Variants in DOCK9 observed in about 807,000 individuals in gnomAD.
DOCK9 encodes dedicator of cytokinesis 9.
DOCK9 carries 89 observed loss-of-function variants against 263.3 expected under a neutral mutation model. The ratio of observed to expected loss-of-function variants is 0.34; its 90% CI spans 0.28 to 0.40. DOCK9 has a LOEUF of 0.40. DOCK9 is among the 10% of genes least tolerant of loss of function. The pLI is 1.00. For synonymous variants in DOCK9, 976 were observed against 973.1 expected (o/e 1.00, Z -0.06); for missense variants, 2,140 against 2,603.4 (o/e 0.82, Z 3.87).
At chr13:99,015,011 C>CG (rs1266303154) in intron 1 of DOCK9, among the ~76,000 whole-genome samples, 4 of 152,204 alleles carry the variant, frequency 2.6e-5, no homozygotes, top group African/African-American at 9.7e-5. Flanking sequence ...TTCTCCCCCC[C>CG]GCATCAAGGA....
intron 1 of DOCK9, among the ~76,000 whole-genome samples, chr13:99,053,820 G>T (rs1013526512): frequency 4.6e-5 from 7 of 152,096 alleles, no homozygotes; most frequent in African/African-American, 1.7e-4. Flanking sequence ...TACAAGAGGA[G>T]CGAAGCACCC....
chr13:98,796,641 G>A (rs189363388), intron 52 of DOCK9, among the ~76,000 whole-genome samples: 8 of 152,268 alleles, frequency 5.3e-5, no homozygotes, highest in South Asian at 2.1e-4. Context: ...CCACTGGGGC[G>A]CCAAGGCCCA....
intron 45 of DOCK9, among the ~76,000 whole-genome samples, chr13:98,821,119 A>G (rs1053470140): frequency 2.0e-5 from 3 of 152,204 alleles, no homozygotes; most frequent in South Asian, 2.1e-4. Context: ...TGTACTTTCT[A>G]CTTTTCCCTC....
intron 33 of DOCK9, chr13:98,856,967 T>C (rs2093722376): frequency 6.6e-6 from 1 of 152,182 alleles, no homozygotes; most frequent in East Asian, 1.9e-4. Context: ...ATTTGTGATG[T>C]CCATGAAAAA....
At chr13:99,063,576 C>G (rs1019677500) in intron 1 of DOCK9, among the ~76,000 whole-genome samples, 10 of 152,236 alleles carry the variant, frequency 6.6e-5, no homozygotes, top group Non-Finnish European at 1.2e-4. Context: ...ACTGGAACAT[C>G]CTCCAACTAC....
intron 38 of DOCK9, chr13:98,845,418 A>G (rs370858044): frequency 3.8e-4 from 487 of 1,276,522 alleles, no homozygotes; most frequent in Non-Finnish European, 4.9e-4. Flanking sequence ...GCTTTTCCAC[A>G]CCCTCACAAA....
At chr13:99,059,977 C>CA (rs960472858) in intron 1 of DOCK9, among the ~76,000 whole-genome samples, 3 of 150,958 alleles carry the variant, frequency 2.0e-5, no homozygotes, top group Non-Finnish European at 2.9e-5. Flanking sequence ...TGGCATGTGT[C>CA]AGTACTCCAC....
At chr13:98,801,322 C>T (rs2090084653) in intron 49 of DOCK9, among the ~76,000 whole-genome samples, 1 of 151,914 alleles carries the variant, frequency 6.6e-6, no homozygotes, top group Non-Finnish European at 1.5e-5. Context: ...AAAACCCAAA[C>T]CAAAAAAACA....
chr13:98,958,054 T>C (rs1327561630), intron 1 of DOCK9, among the ~76,000 whole-genome samples: 7 of 152,206 alleles, frequency 4.6e-5, no homozygotes, highest in Non-Finnish European at 1.0e-4. Context: ...CAGAGGTGCA[T>C]TGTGAGCCCT....
intron 27 of DOCK9, among the ~76,000 whole-genome samples, chr13:98,871,436 T>C (rs2094183137): frequency 6.6e-6 from 1 of 152,262 alleles, no homozygotes; most frequent in Non-Finnish European, 1.5e-5. Flanking sequence ...CTCATGCCTG[T>C]GAAGGCTGAA....
At chr13:98,960,977 A>G (rs2058571751) in intron 1 of DOCK9, among the ~76,000 whole-genome samples, 1 of 152,312 alleles carries the variant, frequency 6.6e-6, no homozygotes, top group Admixed American at 6.5e-5. Flanking sequence ...GATTGTATAC[A>G]CAGCTTTGAG....
At chr13:98,850,368 C>T (rs1461650863) in intron 35 of DOCK9, among the ~76,000 whole-genome samples, 1 of 152,184 alleles carries the variant, frequency 6.6e-6, no homozygotes, top group Non-Finnish European at 1.5e-5. Flanking sequence ...TATATTCTGG[C>T]ATAATGCTCA....
At chr13:98,855,464 G>C (rs1421219554) in intron 34 of DOCK9, among the ~76,000 whole-genome samples, 3 of 152,146 alleles carry the variant, frequency 2.0e-5, no homozygotes, top group Non-Finnish European at 4.4e-5. Context: ...CCCAGCTGCT[G>C]GGGAGGCTGA....
chr13:98,969,974 A>G (rs2059572800), intron 1 of DOCK9, among the ~76,000 whole-genome samples: 1 of 152,138 alleles, frequency 6.6e-6, no homozygotes, highest in African/African-American at 2.4e-5. Context: ...ATAATTAACA[A>G]CTATATCTGT....
At chr13:99,058,961 C>T (rs761299667) in intron 1 of DOCK9, among the ~76,000 whole-genome samples, 17 of 152,182 alleles carry the variant, frequency 1.1e-4, no homozygotes, top group Non-Finnish European at 1.6e-4. Context: ...TTTGGAAACA[C>T]ACTTCCCTTG....
At chr13:98,936,481 A>G (rs1012561423) in intron 2 of DOCK9, among the ~76,000 whole-genome samples, 3 of 152,028 alleles carry the variant, frequency 2.0e-5, no homozygotes, top group African/African-American at 7.2e-5. Context: ...TTACCCAGGC[A>G]TGGTGTCATG....
At chr13:98,861,785 T>C (rs2093878541) in intron 32 of DOCK9, among the ~76,000 whole-genome samples, 1 of 152,244 alleles carries the variant, frequency 6.6e-6, no homozygotes, top group African/African-American at 2.4e-5. Flanking sequence ...TCTCTCTATC[T>C]ACTCAATTTC....
At chr13:98,795,779 G>A (rs188611628) in intron 52 of DOCK9, among the ~76,000 whole-genome samples, 1 of 142,198 alleles carries the variant, frequency 7.0e-6, no homozygotes, top group African/African-American at 2.6e-5. Context: ...TTTTTTTTGA[G>A]ATGGAGTCTC....
At chr13:98,897,424 G>A (rs2139305730) in intron 15 of DOCK9, 64 bp downstream of exon 15, 1 of 1,591,278 alleles carries the variant, frequency 6.3e-7, no homozygotes, top group Non-Finnish European at 8.6e-7. Context: ...CTGCTCCCCT[G>A]TTCCTCCCTC....
Sources: gnomAD v4.1 joint callset for allele counts (sites outside exome capture counted in the v4.1 genomes callset) on GRCh38, gnomAD v4.1.1 for gene constraint, MANE v1.5 for transcripts, NCBI Gene and HGNC (gene_info 2026-07-23, HGNC 2026-07-21) for gene names.